Variants in RNF123 observed in about 807,000 individuals in gnomAD.
RNF123 encodes the protein ring finger protein 123.
In RNF123, 86 loss-of-function variants were observed where a neutral mutation model predicts 168.5. The observed-to-expected ratio is 0.51, with a 90% confidence interval of 0.43 to 0.61. The LOEUF (loss-of-function observed/expected upper bound fraction) is 0.61, where lower values mean the gene tolerates loss of function less well. Ranked by LOEUF, RNF123 falls within the 20% of genes least tolerant of loss-of-function variation. RNF123 has a pLI of 0.00. For synonymous variants in RNF123, 666 were observed against 689.1 expected (o/e 0.97, Z 0.52); for missense variants, 1,419 against 1,729.7 (o/e 0.82, Z 3.19).
chr3:49,719,085 G>T (rs1287780603), intron 35 of RNF123: 2 of 1,613,552 alleles, frequency 1.2e-6, no homozygotes, highest in Non-Finnish European at 8.5e-7. Flanking sequence ...CGTCGAGGTC[G>T]TGGCGGCCAA....
rs1355438762 is a variant in RNF123 at position 49,712,624 on chromosome 3, T to C, written c.2642T>C (p.Phe881Ser). Reference protein sequence around the residue: ...INSYSALKNYFGPVHSMEELP... With the variant: ...INSYSALKNYSGPVHSMEELP... ...AGCTACAGTGCTCTCAAGAATTACTTTGGTCCCGTGCACAGCATGGAGGAG... is the reference window on the plus strand; with the variant it reads ...AGCTACAGTGCTCTCAAGAATTACTCTGGTCCCGTGCACAGCATGGAGGAG... The change falls in exon 27 of 39, where the codon TTT becomes TCT. Residue 881 changes from phenylalanine (F) to serine (S), a missense_variant. Around this residue, in one of 5 missense-constraint regions of RNF123, gnomAD observed 538 missense variants for 708.8 expected, o/e 0.76. Transcript: ENST00000327697. 5 of 1,614,156 alleles carry C rather than the reference T, an allele frequency of 3.1e-6. No homozygotes were observed. The highest frequency in any genetic ancestry group is 3.4e-6 in the Non-Finnish European group (4 of 1,180,014).
At chr3:49,700,102 T>G in intron 12 of RNF123, 125 bp from the exon 13 acceptor site, 1 of 1,375,216 alleles carries the variant, frequency 7.3e-7, no homozygotes, top group Non-Finnish European at 9.9e-7. Context: ...GTCATCTATG[T>G]TTGGTGTTGC....
In RNF123 at chr3:49,699,757, C is replaced by T. The variant is rs1559674076; in HGVS notation, c.969C>T (p.His323=). The T allele has an allele frequency of 6.2e-7, 1 of 1,613,516 alleles. No homozygotes were observed. The highest frequency in any genetic ancestry group is 8.5e-7 in the Non-Finnish European group (1 of 1,179,978). ...VLLTLAHIFH[H]FAPLLRKVYL... ...TCACACTGGCCCACATCTTCCATCACTTTGCACCGCTTCTGGTGAGCGGCA... is the reference window on the plus strand; with the variant it reads ...TCACACTGGCCCACATCTTCCATCATTTTGCACCGCTTCTGGTGAGCGGCA... The change falls in exon 12 of 39, where the codon CAC becomes CAT. Residue 323 remains histidine (H), a synonymous_variant. Coordinates refer to ENST00000327697, the MANE Select transcript of RNF123 (RefSeq NM_022064.5). The surrounding 1 kb of genome is among the most constrained non-coding windows in gnomAD (Gnocchi z 4.8).
chr3:49,711,550 G>T (rs929910722), intron 26 of RNF123, among the ~76,000 whole-genome samples: 4 of 152,256 alleles, frequency 2.6e-5, no homozygotes, highest in Admixed American at 6.5e-5. Flanking sequence ...CGCTGCCTAG[G>T]TTTGCGCCTA....
chr3:49,696,506 G>A lies in RNF123; in HGVS notation c.168-637G>A, dbSNP rs141522050. The stretch of plus-strand genomic sequence containing the variant: ...TGGTATTACAGGCACATGCCACCGC[G>A]CCCAGCATTTTTAGTAGAGTCGCAA... On this transcript the variant is annotated intron_variant, in intron 3 of 38. Transcript: ENST00000327697. Among the ~76,000 whole-genome samples the A allele has an allele frequency of 1.6e-4, 25 of 151,902 alleles. 1 individual carries two copies. In the East Asian group the frequency reaches 2.7e-3, roughly 16 times the overall value.
chr3:49,712,554 C>T lies in RNF123; in HGVS notation c.2572C>T (p.Leu858Phe). 1 of 1,614,220 alleles carries T rather than the reference C, an allele frequency of 6.2e-7. No homozygotes were observed. The highest frequency in any genetic ancestry group is 2.2e-5 in the East Asian group (1 of 44,886). The change falls in exon 27 of 39, where the codon CTC becomes TTC. Residue 858 changes from leucine (L) to phenylalanine (F), a missense_variant. Around this residue, in one of 5 missense-constraint regions of RNF123, gnomAD observed 538 missense variants for 708.8 expected, o/e 0.76. Coordinates refer to ENST00000327697, the MANE Select transcript of RNF123 (RefSeq NM_022064.5). Reference sequence around the variant, plus strand: ...TGAGCACGGTGATCGCACAGGGTCTCTCTTTGCCTTCATGCCCGAGTTCTA... The same window carrying T: ...TGAGCACGGTGATCGCACAGGGTCTTTCTTTGCCTTCATGCCCGAGTTCTA... ...TIEHGDRTGSLFAFMPEFYLS... is the reference protein window; with the variant it reads ...TIEHGDRTGSFFAFMPEFYLS...
intron 19 of RNF123, 36 bp downstream of exon 19, chr3:49,702,441 C>G (rs775551010): frequency 1.2e-6 from 2 of 1,609,056 alleles, no homozygotes; most frequent in South Asian, 2.2e-5. Context: ...TGTGGATCCC[C>G]GGCTGCACTA....
At chr3:49,691,540 C>T (rs747616742) in intron 3 of RNF123, 31 bp downstream of exon 3, 40 of 1,571,576 alleles carry the variant, frequency 2.5e-5, no homozygotes, top group Non-Finnish European at 3.3e-5. Context: ...CCTCCTCACT[C>T]TGCTGGGCCA....
chr3:49,704,879 C>T, intron 22 of RNF123, 105 bp from the exon 23 acceptor site: 1 of 1,398,802 alleles, frequency 7.1e-7, no homozygotes, highest in Non-Finnish European at 9.7e-7. Context: ...TGGGCTGGTG[C>T]CTTGCTGTGG....
In RNF123 at chr3:49,713,561, T is replaced by A. The variant is rs1312539680; in HGVS notation, c.2723T>A (p.Phe908Tyr). Reference sequence around the variant, plus strand: ...CTGGCTGCCATTCTCGCCAAACACTTTGCCGACGCACGCATTGTGGGCACT... The same window carrying A: ...CTGGCTGCCATTCTCGCCAAACACTATGCCGACGCACGCATTGTGGGCACT... ...TRLAAILAKHFADARIVGTDI... is the reference protein window; with the variant it reads ...TRLAAILAKHYADARIVGTDI... Residue 908 changes from phenylalanine (F) to tyrosine (Y), a missense_variant, in exon 28 of 39, where the codon TTT becomes TAT. Coordinates refer to ENST00000327697, the MANE Select transcript of RNF123 (RefSeq NM_022064.5). The A allele has an allele frequency of 1.5e-5, 24 of 1,612,670 alleles. No homozygotes were observed. The highest frequency in any genetic ancestry group is 1.8e-5 in the Non-Finnish European group (21 of 1,179,454).
At chr3:49,695,476 C>G (rs1253284411) in intron 3 of RNF123, among the ~76,000 whole-genome samples, 3 of 152,228 alleles carry the variant, frequency 2.0e-5, no homozygotes, top group Non-Finnish European at 4.4e-5. Context: ...CTTTAGCCTT[C>G]TATGCTACTA....
rs577727579 is a variant in RNF123, at chr3:49,699,611, G to A, written c.879+29G>A. On this transcript the variant is annotated intron_variant, in intron 11 of 38. Transcript: ENST00000327697. This position sits in a 1 kb window ranked among gnomAD's most constrained non-coding sequence, Gnocchi z 4.8. The stretch of plus-strand genomic sequence containing the variant: ...AGCTGGGGTCTGGGCCAGGCGGGGT[G>A]GGGGGCTTCCACAGCCTCCTGCCCC... The A allele has an allele frequency of 8.1e-6, 13 of 1,611,910 alleles. No individual in the cohort carries two copies. Among genetic ancestry groups the A allele is most frequent in the African/African-American group, 1.3e-5 (1 of 74,990 alleles).
chr3:49,700,942 G>A (rs1053102382), intron 15 of RNF123, among the ~76,000 whole-genome samples: 2 of 152,268 alleles, frequency 1.3e-5, no homozygotes, highest in Admixed American at 6.5e-5. Context: ...CTACGCAGAG[G>A]TGTGGGAGGG....
chr3:49,704,380 A>G (rs1180179640), intron 21 of RNF123, among the ~76,000 whole-genome samples: 1 of 152,210 alleles, frequency 6.6e-6, no homozygotes, highest in African/African-American at 2.4e-5. Context: ...ACATCTATGT[A>G]GAATAAAGAA....
In RNF123 at chr3:49,721,037, C is replaced by T. The variant is rs1272661138; in HGVS notation, c.3756C>T (p.Asp1252=). 2 of 1,613,058 alleles carry T rather than the reference C, an allele frequency of 1.2e-6. No individual in the cohort carries two copies. The highest frequency in any genetic ancestry group is 1.7e-6 in the Non-Finnish European group (2 of 1,179,460). ...CCCTGCAGCCCACCAGTGAGGAGGA[C>T]CTCTGCCCCATCTGCTATGCCCACC... ...AAASLPTSEE[D]LCPICYAHPI... Residue 1252 remains aspartate, a synonymous_variant, in exon 38 of 39, where the codon GAC becomes GAT. Coordinates refer to ENST00000327697, the MANE Select transcript of RNF123 (RefSeq NM_022064.5).
intron 23 of RNF123, 135 bp from the exon 24 acceptor site, chr3:49,705,399 C>A: frequency 7.5e-7 from 1 of 1,339,852 alleles, no homozygotes; most frequent in East Asian, 2.5e-5. Flanking sequence ...CCCCTACCCC[C>A]ATGCCCCCAT....
In RNF123 at chr3:49,718,685, C is replaced by T. The variant is rs144506153; in HGVS notation, c.3501-1826C>T. 12 of 1,612,820 alleles carry T rather than the reference C, an allele frequency of 7.4e-6. No individual in the cohort carries two copies. The African/African-American group carries it at 8.0e-5, about 11-fold the overall frequency. On this transcript the variant is annotated intron_variant, in intron 35 of 38. Coordinates refer to ENST00000327697, the MANE Select transcript of RNF123 (RefSeq NM_022064.5). The stretch of plus-strand genomic sequence containing the variant: ...ACGCGGCTGTGCTGGAAGAAGCGCA[C>T]GCGGGACGCGGGTACCTTGAAGGCC...
chr3:49,715,427 C>T, intron 31 of RNF123, 148 bp from the exon 32 acceptor site: 1 of 932,832 alleles, frequency 1.1e-6, no homozygotes, highest in Non-Finnish European at 1.6e-6. Context: ...GGCAGCTGTC[C>T]TCTGTCCCCT....
rs375162605 is a variant in RNF123 at position 49,721,308 on chromosome 3, C to G, written c.*3C>G. On this transcript the variant is annotated 3_prime_UTR_variant, in exon 39 of 39. Coordinates refer to ENST00000327697, the MANE Select transcript of RNF123 (RefSeq NM_022064.5). ...GTACTACCTCCTCAGCTGCCTAGCC[C>G]TCACAGCCTGTGCCATCCTGGAACC... The G allele has an allele frequency of 7.6e-5, 123 of 1,614,076 alleles. No homozygotes were observed. The highest frequency in any genetic ancestry group is 1.0e-4 in the Non-Finnish European group (120 of 1,180,034).
Sources: allele counts gnomAD v4.1 joint callset (sites outside exome capture counted in the v4.1 genomes callset), GRCh38; gene constraint gnomAD v4.1.1; regional missense constraint gnomAD v4.1.1; non-coding constraint Gnocchi (gnomAD v3.1); transcripts MANE v1.5; gene names NCBI Gene and HGNC (gene_info 2026-07-23, HGNC 2026-07-21).